The following SPEG variants were observed in gnomAD, a reference collection of about 807,000 sequenced individuals.
SPEG encodes the protein striated muscle enriched protein kinase.
A neutral mutation model predicts 300.4 loss-of-function variants in SPEG; 114 were observed. The ratio of observed to expected loss-of-function variants is 0.38; its 90% CI spans 0.33 to 0.44. SPEG has a LOEUF of 0.44. SPEG is among the 20% of genes least tolerant of loss of function. The pLI is 1.00. For missense variants in SPEG, 4,201 were observed against 4,586.2 expected (o/e 0.92, Z 2.43); for synonymous variants, 1,964 against 2,018.9 (o/e 0.97, Z 0.73).
chr2:219,471,840 C>T, intron 13 of SPEG, 28 bp from the exon 14 acceptor site: 1 of 1,613,316 alleles, frequency 6.2e-7, no homozygotes, highest in Non-Finnish European at 8.5e-7. Context: ...CGGGCTCAGG[C>T]CCAGTGTCAC....
At position 219,445,283 on chromosome 2, in the gene SPEG, T is replaced by G; in HGVS notation, c.815+122T>G. On this transcript the variant is annotated intron_variant, in intron 3 of 40. Transcript: ENST00000312358. This position sits in a 1 kb window ranked among gnomAD's most constrained non-coding sequence, Gnocchi z 6.1. ...CCCATCCATCTCTCTGTGCATTTCT[T>G]CACCCCCTGCTGCCACTCCATCTTC... is the stretch of plus-strand genomic sequence containing the variant. 1.0e-6 allele frequency: 1 copy of G among 966,344 alleles called. No homozygotes were observed. 59.9% of individuals were successfully genotyped at this position (966,344 alleles called of 1,614,324 possible).
In SPEG at chr2:219,445,929, C is replaced by A. The variant is rs1354499874; in HGVS notation, c.815+768C>A. Among the ~76,000 whole-genome samples, 1 of 151,910 alleles carries A rather than the reference C, an allele frequency of 6.6e-6. No homozygotes were observed. The highest frequency in any genetic ancestry group is 2.4e-5 in the African/African-American group (1 of 41,326). On this transcript the variant is annotated intron_variant, in intron 3 of 40. Coordinates refer to ENST00000312358, the MANE Select transcript of SPEG (RefSeq NM_005876.5). The surrounding 1 kb of genome is among the most constrained non-coding windows in gnomAD (Gnocchi z 6.1). ...AGCGGAGGTGTTGGAGGCACTGGAG[C>A]CATTTTTGGAGATTTGGGGCTCGCA...
intron 6 of SPEG, chr2:219,460,844 G>C: frequency 3.0e-6 from 3 of 986,150 alleles, no homozygotes; most frequent in Non-Finnish European, 3.6e-6. Context: ...TGGGTCAGCC[G>C]AGTGAGTGGG....
chr2:219,473,618 T>C lies in SPEG; in HGVS notation c.4262T>C (p.Val1421Ala). 1.2e-6 allele frequency: 2 copies of C among 1,614,154 alleles called. No homozygotes were observed. Among genetic ancestry groups the C allele is most frequent in the Non-Finnish European group, 8.5e-7 (1 of 1,180,014 alleles). Residue 1421 changes from valine (V) to alanine (A), a missense_variant, in exon 17 of 41, where the codon GTC becomes GCC. Physicochemically the swap from Val to Ala is moderately conservative, Grantham distance 64 (BLOSUM62 0). Transcript: ENST00000312358. The surrounding 1 kb of genome is among the most constrained non-coding windows in gnomAD (Gnocchi z 4.6). ...VTFNHVEAQV[V>A]WRSCRGALLE... The stretch of plus-strand genomic sequence containing the variant: ...TTCAACCATGTGGAGGCCCAGGTCG[T>C]CTGGAGGAGGTGGGCCCCTTTCCCA...
Position 219,481,668 on chromosome 2 carries a change from T to G in SPEG, c.5553T>G (p.His1851Gln), listed in dbSNP as rs775140062. The change falls in exon 28 of 41, where the codon CAT (histidine) becomes CAG (glutamine). Residue 1851 changes from histidine to glutamine, a missense_variant. Physicochemically the swap from His to Gln is conservative, Grantham distance 24. Around this residue, in one of 4 missense-constraint regions of SPEG, gnomAD observed 1,047 missense variants for 1,356.8 expected, o/e 0.77. Transcript: ENST00000312358. The surrounding 1 kb of genome is among the most constrained non-coding windows in gnomAD (Gnocchi z 5.4). The stretch of plus-strand genomic sequence containing the variant: ...CTACCGCAGAAGAGACCCTAGAACA[T>G]CCTTGGTTCAAAGTGAGTCTAGTCT... ...LRPTAEETLE[H>Q]PWFKTQAKGA... The G allele has an allele frequency of 2.2e-5, 36 of 1,614,016 alleles. No homozygotes were observed. Among genetic ancestry groups the G allele is most frequent in the Non-Finnish European group, 8.5e-6 (10 of 1,180,008 alleles).
At position 219,489,096 on chromosome 2, in the gene SPEG, G is replaced by A; in HGVS notation, c.8192G>A (p.Cys2731Tyr). 1 of 1,613,944 alleles carries A rather than the reference G, an allele frequency of 6.2e-7. No homozygotes were observed. The highest frequency in any genetic ancestry group is 8.5e-7 in the Non-Finnish European group (1 of 1,179,952). ...WHPVSSGIPD[C>Y]YYNVTHLPVG... is the part of the protein sequence containing the mutation. ...CCTGTGAGCTCAGGCATCCCCGACT[G>A]TTACTACAACGTGACCCACCTGCCA... is the stretch of plus-strand genomic sequence containing the variant. The change falls in exon 35 of 41, where the codon TGT (cysteine) becomes TAT (tyrosine). Residue 2731 changes from cysteine to tyrosine, a missense_variant. Transcript: ENST00000312358.
chr2:219,467,626 G>T (rs1186847236), intron 10 of SPEG, among the ~76,000 whole-genome samples, 192 bp downstream of exon 10: 4 of 152,246 alleles, frequency 2.6e-5, no homozygotes, highest in Non-Finnish European at 5.9e-5. Context: ...CAAAGGAAAG[G>T]CCGCAACAGG....
In SPEG at chr2:219,449,075, C is replaced by A; in HGVS notation, c.1917C>A (p.Arg639=). ...RKREPPAQAV[R]FLPWATPGLE... Reference sequence around the variant, plus strand: ...GGGAGCCCCCGGCGCAGGCCGTGCGCTTCCTGCCCTGGGCCACGCCGGGCC... The same window carrying A: ...GGGAGCCCCCGGCGCAGGCCGTGCGATTCCTGCCCTGGGCCACGCCGGGCC... Residue 639 remains arginine (R), a synonymous_variant, in exon 4 of 41, where the codon CGC becomes CGA. Coordinates refer to ENST00000312358, the MANE Select transcript of SPEG (RefSeq NM_005876.5). 1 of 1,516,882 alleles carries A rather than the reference C, an allele frequency of 6.6e-7. No individual in the cohort carries two copies. Among genetic ancestry groups the A allele is most frequent in the South Asian group, 1.2e-5 (1 of 80,784 alleles). The allele number at this position is 1,516,882 out of a possible 1,614,324, so 94.0% of individuals were successfully genotyped here. A position where few individuals can be genotyped will look rare whatever the true frequency, so the allele number is the denominator to read the frequency against.
Position 219,468,617 on chromosome 2 carries a change from C to T in SPEG, c.3182C>T (p.Ser1061Leu). 6.2e-7 allele frequency: 1 copy of T among 1,613,876 alleles called. No homozygotes were observed. Among genetic ancestry groups the T allele is most frequent in the Non-Finnish European group, 8.5e-7 (1 of 1,180,008 alleles). Reference sequence around the variant, plus strand: ...AGTGCCCGGCTGACCGTGCGGCCCTCGTTGGCACCCCTGTTCACACGGCTG... The same window carrying T: ...AGTGCCCGGCTGACCGTGCGGCCCTTGTTGGCACCCCTGTTCACACGGCTG... ...TCSARLTVRP[S>L]LAPLFTRLLE... The change falls in exon 11 of 41, where the codon TCG (serine) becomes TTG (leucine). Residue 1061 changes from serine to leucine, a missense_variant. Ser to Leu is a moderately radical substitution (Grantham distance 145, BLOSUM62 -2). Coordinates refer to ENST00000312358, the MANE Select transcript of SPEG (RefSeq NM_005876.5).
chr2:219,475,065 G>A (rs1692221556), intron 18 of SPEG, among the ~76,000 whole-genome samples: 1 of 152,086 alleles, frequency 6.6e-6, no homozygotes, highest in South Asian at 2.1e-4. Flanking sequence ...GATTATAGAT[G>A]TGAGCCACCG....
Position 219,483,717 on chromosome 2 carries a change from G to C in SPEG, c.6254G>C (p.Ser2085Thr). The change falls in exon 30 of 41, where the codon AGC becomes ACC. Residue 2085 changes from serine (S) to threonine (T), a missense_variant. By Grantham distance (58) the Ser-to-Thr change is moderately conservative (BLOSUM62 1). This residue lies in a region of SPEG where 1,578 missense variants were observed against 1,506.0 expected (regional missense o/e 1.05). Transcript: ENST00000312358. ...LRGGPEDGKV[S>T]GLRGPLLESL... ...GGAGGCCCCGAGGATGGCAAGGTCA[G>C]CGGCCTCAGGGGTCCCCTGCTGGAG... The C allele has an allele frequency of 6.5e-7, 1 of 1,534,858 alleles. No homozygotes were observed. Among genetic ancestry groups the C allele is most frequent in the Middle Eastern group, 2.0e-4 (1 of 5,052 alleles).
chr2:219,485,100 G>A, intron 30 of SPEG, 28 bp downstream of exon 30: 1 of 1,527,492 alleles, frequency 6.5e-7, no homozygotes, highest in Non-Finnish European at 8.7e-7. Flanking sequence ...TAGGGCAGCA[G>A]GTGCAGAGGA....
At chr2:219,469,694 T>C (rs1384534292) in intron 13 of SPEG, among the ~76,000 whole-genome samples, 1 of 152,122 alleles carries the variant, frequency 6.6e-6, no homozygotes, top group Non-Finnish European at 1.5e-5. Context: ...CATCTGTAAT[T>C]GGGTTGTTAC....
At chr2:219,436,753 T>C (rs563858024) in intron 1 of SPEG, among the ~76,000 whole-genome samples, 1 of 152,236 alleles carries the variant, frequency 6.6e-6, no homozygotes, top group South Asian at 2.1e-4. Context: ...GCCTAGCACC[T>C]GGACAAGTAC....
At chr2:219,449,307 C>G (rs1018953826) in intron 4 of SPEG, 36 bp downstream of exon 4, 13 of 1,347,290 alleles carry the variant, frequency 9.6e-6, no homozygotes, top group African/African-American at 1.5e-5. Context: ...GGTGCCTGAA[C>G]CCCCGTCGGG....
intron 3 of SPEG, 132 bp from the exon 4 acceptor site, chr2:219,447,842 G>C (rs1484700795): frequency 2.5e-6 from 2 of 799,758 alleles, no homozygotes; most frequent in Non-Finnish European, 2.0e-6. Flanking sequence ...TGGGGGTGGG[G>C]GGCAGGAGGA....
intron 30 of SPEG, 94 bp from the exon 31 acceptor site, chr2:219,485,252 G>C (rs1693285391): frequency 1.3e-6 from 2 of 1,523,192 alleles, no homozygotes; most frequent in Non-Finnish European, 1.8e-6. Flanking sequence ...GGTGGGCTAG[G>C]GGTTCCTTCT....
rs1692048501 is a variant in SPEG, at chr2:219,473,224, C to T, written c.4147+128C>T. 1.1e-6 allele frequency: 1 copy of T among 922,458 alleles called. No homozygotes were observed. Among genetic ancestry groups the T allele is most frequent in the Non-Finnish European group, 1.6e-6 (1 of 612,554 alleles). 57.1% of individuals were successfully genotyped at this position (922,458 alleles called of 1,614,324 possible). A position where few individuals can be genotyped will look rare whatever the true frequency, so the allele number is the denominator to read the frequency against. ...CAGGAGCAGCCTAGCCGGGCGGGAC[C>T]TTGGCCCATCTGTACACTTCCTTCT... On this transcript the variant is annotated intron_variant, in intron 16 of 40. Coordinates refer to ENST00000312358, the MANE Select transcript of SPEG (RefSeq NM_005876.5). This position sits in a 1 kb window ranked among gnomAD's most constrained non-coding sequence, Gnocchi z 4.6.
chr2:219,493,596 G>T lies in SPEG; in HGVS notation c.*810G>T. 2.1e-6 allele frequency: 1 copy of T among 465,668 alleles called. No individual in the cohort carries two copies. Among genetic ancestry groups the T allele is most frequent in the Non-Finnish European group, 4.3e-6 (1 of 230,780 alleles). The allele number at this position is 465,668 out of a possible 1,614,324, so 28.8% of individuals were successfully genotyped here. ...CTCCCAGCCATCCAGCTGTCTGTCT[G>T]TCTGCCACAAGGAAATAAAAATGGC... On this transcript the variant is annotated 3_prime_UTR_variant, in exon 41 of 41. Transcript: ENST00000312358.
Sources: allele counts gnomAD v4.1 joint callset (sites outside exome capture counted in the v4.1 genomes callset), GRCh38; gene constraint gnomAD v4.1.1; regional missense constraint gnomAD v4.1.1; non-coding constraint Gnocchi (gnomAD v3.1); transcripts MANE v1.5; gene names NCBI Gene and HGNC (gene_info 2026-07-23, HGNC 2026-07-21).